ARID2: variants seen among roughly 807,000 people sequenced by gnomAD.
ARID2 encodes the protein AT-rich interaction domain 2.
ARID2 carries 32 observed loss-of-function variants against 184.6 expected under a neutral mutation model. That is an observed-to-expected ratio of 0.17 (90% CI 0.13 to 0.23). The LOEUF (loss-of-function observed/expected upper bound fraction) is 0.23. Ranked by LOEUF, ARID2 falls within the 10% of genes least tolerant of loss-of-function variation. The pLI, the probability that ARID2 is intolerant of heterozygous loss-of-function variation, is 1.00. For synonymous variants in ARID2, 836 were observed against 772.6 expected (o/e 1.08, Z -1.36); for missense variants, 1,696 against 2,197.6 (o/e 0.77, Z 4.56).
rs2138171625 is a variant in ARID2 at position 45,851,520 on chromosome 12, G to T, written c.3397G>T (p.Ala1133Ser). The change falls in exon 15 of 21, where the codon GCA becomes TCA. Residue 1133 changes from alanine (A) to serine (S), a missense_variant. This residue lies in a region of ARID2 where 713 missense variants were observed against 824.4 expected (regional missense o/e 0.86). Coordinates refer to ENST00000334344, the MANE Select transcript of ARID2 (RefSeq NM_152641.4). ...GCAAAATGTTCAGTTGGTCCCAAGT[G>T]CAATGCCACCCTCAGGGGGAGTACA... ...GQQNVQLVPS[A>S]MPPSGGVQTV... The T allele has an allele frequency of 6.2e-7, 1 of 1,614,110 alleles. No individual in the cohort carries two copies.
At chr12:45,839,025 AT>A (rs996463434) in intron 10 of ARID2, among the ~76,000 whole-genome samples, 153 of 144,144 alleles carry the variant, frequency 1.1e-3, no homozygotes, top group East Asian at 1.0e-3. Flanking sequence ...TGCCCGGCTA[AT>A]TTTTTTTTTT....
chr12:45,742,516 T>A (rs1027807196), intron 3 of ARID2, among the ~76,000 whole-genome samples: 1 of 152,230 alleles, frequency 6.6e-6, no homozygotes, highest in Non-Finnish European at 1.5e-5. Flanking sequence ...AGATTAAGCC[T>A]AGTTTCCCTT....
rs201062155 is a variant in ARID2 at position 45,860,908 on chromosome 12, A to C, written c.4881A>C (p.Lys1627Asn). ...GSSQPGDPMR[K>N]PGQNFMCLWQ... ...GTCAGCCTGGAGATCCAATGAGAAA[A>C]CCTGGACAGAACTTCATGTGTCTGT... Residue 1627 changes from lysine (K) to asparagine (N), a missense_variant, in exon 16 of 21, where the codon AAA becomes AAC. By Grantham distance (94) the Lys-to-Asn change is moderately conservative. This residue lies in a region of ARID2 where 111 missense variants were observed against 154.0 expected (regional missense o/e 0.72). Transcript: ENST00000334344. 1.4e-5 allele frequency: 23 copies of C among 1,601,094 alleles called. No individual in the cohort carries two copies. In the East Asian group the frequency reaches 5.2e-4, roughly 36 times the overall value.
intron 14 of ARID2, 94 bp downstream of exon 14, chr12:45,849,870 T>C (rs1464173375): frequency 2.1e-6 from 3 of 1,416,822 alleles, no homozygotes; most frequent in East Asian, 5.0e-5. Context: ...TGTATAACTT[T>C]TGTGTCTCCA....
chr12:45,881,724 C>T (rs1592139101), intron 16 of ARID2: 1 of 186,860 alleles, frequency 5.4e-6, no homozygotes, highest in Non-Finnish European at 1.1e-5. Flanking sequence ...CTGCCTGCTC[C>T]TTGCCCTCCT....
At chr12:45,848,111 T>G (rs1943477514) in intron 12 of ARID2, among the ~76,000 whole-genome samples, 1 of 151,994 alleles carries the variant, frequency 6.6e-6, no homozygotes, top group South Asian at 2.1e-4. Context: ...ACAGTTTTTT[T>G]TTTAAATCAT....
chr12:45,742,663 A>G (rs1182382493), intron 3 of ARID2, among the ~76,000 whole-genome samples: 1 of 152,176 alleles, frequency 6.6e-6, no homozygotes, highest in East Asian at 1.9e-4. Context: ...GCTATATCCT[A>G]GTTTATTCAA....
chr12:45,891,538 G>A lies in ARID2; in HGVS notation c.4923-242G>A, dbSNP rs146763706. ...AATTTATGAAAGTACAGTAGAGTAT[G>A]GTATTTGTTTATAAGATAATGTTCT... On this transcript the variant is annotated intron_variant, in intron 16 of 20. Transcript: ENST00000334344. 7.1e-3 allele frequency among the ~76,000 whole-genome samples: 1,073 copies of A among 152,112 alleles called. 10 individuals carry two copies. The highest frequency in any genetic ancestry group is 0.024 in the African/African-American group (1,014 of 41,494).
rs138017410 is a variant in ARID2, at chr12:45,790,940, G to A, written c.285-20478G>A. ...TTCTTTTTTATCTATTTATTCGTCA[G>A]TGGACGCTTGGGCTACTTCTTCCTT... is the stretch of plus-strand genomic sequence containing the variant. On this transcript the variant is annotated intron_variant, in intron 3 of 20. Transcript: ENST00000334344. 5.5e-3 allele frequency among the ~76,000 whole-genome samples: 831 copies of A among 152,178 alleles called. 7 individuals carry two copies. Among genetic ancestry groups the A allele is most frequent in the African/African-American group, 0.019 (793 of 41,526 alleles).
At chr12:45,773,390 G>C (rs1480986648) in intron 3 of ARID2, among the ~76,000 whole-genome samples, 1 of 151,230 alleles carries the variant, frequency 6.6e-6, no homozygotes. Flanking sequence ...AGATAATGAA[G>C]GTTCAAGAAG....
In ARID2 at chr12:45,863,591, T is replaced by TA. The variant is rs1319502096; in HGVS notation, c.4922+2652dup. ...TATAAAGTAAGACACTGTCTCTTTT[T>TA]AAAAAAAAAACAAACCAGAAAACTT... On this transcript the variant is annotated intron_variant, in intron 16 of 20. Transcript: ENST00000334344. 1.1e-3 allele frequency among the ~76,000 whole-genome samples: 161 copies of TA among 147,970 alleles called. 1 individual carries two copies. The highest frequency in any genetic ancestry group is 3.5e-3 in the African/African-American group (140 of 40,396).
At chr12:45,868,436 G>T (rs1437134232) in intron 16 of ARID2, among the ~76,000 whole-genome samples, 1 of 151,998 alleles carries the variant, frequency 6.6e-6, no homozygotes, top group Admixed American at 6.6e-5. Flanking sequence ...GCGAGACTCT[G>T]TCTCAAAGAG....
At chr12:45,808,108 A>G (rs564521382) in intron 3 of ARID2, among the ~76,000 whole-genome samples, 35 of 152,212 alleles carry the variant, frequency 2.3e-4, no homozygotes, top group Non-Finnish European at 4.1e-4. Context: ...ATTTTTGAGG[A>G]GAAAGATGTG....
chr12:45,809,442 A>T (rs1177323958), intron 3 of ARID2, among the ~76,000 whole-genome samples: 1 of 152,182 alleles, frequency 6.6e-6, no homozygotes, highest in South Asian at 2.1e-4. Flanking sequence ...AATGAGCTTG[A>T]TTCATTTACC....
intron 6 of ARID2, among the ~76,000 whole-genome samples, chr12:45,828,351 A>G (rs1943043307): frequency 6.6e-6 from 1 of 152,124 alleles, no homozygotes. Flanking sequence ...ATATGCAGCA[A>G]TTTGTTCTAC....
intron 3 of ARID2, among the ~76,000 whole-genome samples, chr12:45,787,562 ATGT>A (rs1942219004): frequency 6.6e-6 from 1 of 152,030 alleles, no homozygotes; most frequent in African/African-American, 2.4e-5. Flanking sequence ...ATTTCAAAAC[ATGT>A]TGTATACCAT....
chr12:45,782,063 A>G (rs1036705316), intron 3 of ARID2, among the ~76,000 whole-genome samples: 1 of 152,178 alleles, frequency 6.6e-6, no homozygotes, highest in Admixed American at 6.5e-5. Context: ...AAATTTGAGG[A>G]TGAAGGAGGG....
chr12:45,805,265 C>T (rs1161144292), intron 3 of ARID2, among the ~76,000 whole-genome samples: 1 of 151,702 alleles, frequency 6.6e-6, no homozygotes, highest in Non-Finnish European at 1.5e-5. Flanking sequence ...TTGTGTTAGG[C>T]ACTTGAAAAA....
intron 3 of ARID2, among the ~76,000 whole-genome samples, chr12:45,759,399 G>T (rs1436295286): frequency 6.6e-6 from 1 of 152,102 alleles, no homozygotes; most frequent in African/African-American, 2.4e-5. Context: ...CAAAGTAATG[G>T]TTTATTAAAA....
Sources: gnomAD v4.1 joint callset for allele counts (sites outside exome capture counted in the v4.1 genomes callset) on GRCh38, gnomAD v4.1.1 for gene constraint, gnomAD v4.1.1 regional missense constraint, MANE v1.5 for transcripts, NCBI Gene and HGNC (gene_info 2026-07-23, HGNC 2026-07-21) for gene names.